The following SMPDL3B variants were observed in gnomAD, a reference collection of about 807,000 sequenced individuals.
SMPDL3B encodes the protein sphingomyelin phosphodiesterase acid like 3B, also known as acid sphingomyelinase-like phosphodiesterase 3b.
A neutral mutation model predicts 37.9 loss-of-function variants in SMPDL3B; 31 were observed. The ratio of observed to expected loss-of-function variants is 0.82; its 90% CI spans 0.61 to 1.10. SMPDL3B has a LOEUF of 1.10. SMPDL3B is among the 50% of genes least tolerant of loss of function. The pLI is 0.00. For synonymous variants in SMPDL3B, 235 were observed against 242.6 expected (o/e 0.97, Z 0.29); for missense variants, 525 against 597.8 (o/e 0.88, Z 1.27).
intron 1 of SMPDL3B, chr1:27,941,624 A>C (rs1267504880): frequency 6.5e-6 from 1 of 152,716 alleles, no homozygotes; most frequent in Non-Finnish European, 1.5e-5. Flanking sequence ...GCTGGGGAAG[A>C]AATAGCGACC....
chr1:27,951,039 A>G (rs751485111), intron 3 of SMPDL3B, among the ~76,000 whole-genome samples: 49 of 152,024 alleles, frequency 3.2e-4, no homozygotes, highest in Non-Finnish European at 6.6e-4. Flanking sequence ...TAGGGATTAC[A>G]GGCATGAGCC....
At chr1:27,950,179 C>T (rs1337924627) in intron 3 of SMPDL3B, among the ~76,000 whole-genome samples, 1 of 152,302 alleles carries the variant, frequency 6.6e-6, no homozygotes, top group East Asian at 1.9e-4. Context: ...TCAATCTAGG[C>T]AAAGAGATGC....
chr1:27,952,703 C>G (rs1467928738), intron 3 of SMPDL3B, among the ~76,000 whole-genome samples: 1 of 152,198 alleles, frequency 6.6e-6, no homozygotes, highest in Non-Finnish European at 1.5e-5. Context: ...ACCTGTCAAC[C>G]CTATTGAACT....
intron 7 of SMPDL3B, 67 bp downstream of exon 7, chr1:27,956,149 C>A: frequency 3.7e-6 from 6 of 1,613,712 alleles, no homozygotes; most frequent in Non-Finnish European, 5.1e-6. Context: ...CACCTTCCCT[C>A]ACTCTCAGCT....
intron 4 of SMPDL3B, among the ~76,000 whole-genome samples, chr1:27,953,928 C>T (rs1000516531): frequency 3.9e-5 from 6 of 152,188 alleles, no homozygotes; most frequent in South Asian, 2.1e-4. Context: ...TCCCTTTCCT[C>T]GGTCTCCTGC....
At chr1:27,941,999 GCA>G (rs960150356) in intron 1 of SMPDL3B, among the ~76,000 whole-genome samples, 1 of 151,896 alleles carries the variant, frequency 6.6e-6, no homozygotes, top group Non-Finnish European at 1.5e-5. Flanking sequence ...ACACACACAT[GCA>G]CACACACAGA....
At position 27,945,187 on chromosome 1, in the gene SMPDL3B, TGA is replaced by T. The variant is rs764686418; in HGVS notation, c.62-36_62-35del. ...CCCCTGGACTTCCTTGCTTCCAGGC[TGA>T]GAGAGAGACCAGCTTTGAAGGAGGA... On this transcript the variant is annotated intron_variant, in intron 1 of 7. Transcript: ENST00000373894. The surrounding 1 kb of genome is among the most constrained non-coding windows in gnomAD (Gnocchi z 4.0). The T allele has an allele frequency of 1.3e-6, 2 of 1,593,904 alleles. No homozygotes were observed.
chr1:27,956,194 G>A, intron 7 of SMPDL3B, 112 bp downstream of exon 7: 1 of 1,605,290 alleles, frequency 6.2e-7, no homozygotes, highest in Admixed American at 1.7e-5. Flanking sequence ...GCCTCAGGAA[G>A]GTTGAGCTCC....
At position 27,945,840 on chromosome 1, in the gene SMPDL3B, G is replaced by A; in HGVS notation, c.275+395G>A. Among the ~76,000 whole-genome samples the A allele has an allele frequency of 6.6e-6, 1 of 152,160 alleles. No homozygotes were observed. Among genetic ancestry groups the A allele is most frequent in the Non-Finnish European group, 1.5e-5 (1 of 68,034 alleles). ...AGGGAAGAAGTTATGAGGGCTGAAG[G>A]TGGCCCAGCCTGGGGTCCTAGTGTC... On this transcript the variant is annotated intron_variant, in intron 2 of 7. Transcript: ENST00000373894. The surrounding 1 kb of genome is among the most constrained non-coding windows in gnomAD (Gnocchi z 4.0).
chr1:27,946,946 G>T (rs1344999692), intron 2 of SMPDL3B, among the ~76,000 whole-genome samples: 1 of 152,160 alleles, frequency 6.6e-6, no homozygotes, highest in Non-Finnish European at 1.5e-5. Flanking sequence ...TCCCTTGAGG[G>T]GAGCTTCTGA....
In SMPDL3B at chr1:27,954,499, G is replaced by C. The variant is rs775649155; in HGVS notation, c.663G>C (p.Leu221=). ...AGTTCCAGTGGCTGGAAGATGTGCT[G>C]ACCGATGCATCCAAAGCTGGGGACA... The part of the protein sequence containing the change: ...GQQFQWLEDV[L]TDASKAGDMV... The change falls in exon 5 of 8, where the codon CTG becomes CTC. Residue 221 remains leucine, a synonymous_variant. Transcript: ENST00000373894. The C allele has an allele frequency of 8.1e-6, 13 of 1,613,958 alleles. No individual in the cohort carries two copies. Among genetic ancestry groups the C allele is most frequent in the Non-Finnish European group, 1.0e-5 (12 of 1,180,028 alleles).
rs1419037906 is a variant in SMPDL3B, at chr1:27,955,804, G to C, written c.811G>C (p.Ala271Pro). 2 of 1,614,032 alleles carry C rather than the reference G, an allele frequency of 1.2e-6. No homozygotes were observed. The highest frequency in any genetic ancestry group is 2.7e-5 in the African/African-American group (2 of 74,896). The change falls in exon 6 of 8, where the codon GCA becomes CCA. Residue 271 changes from alanine to proline, a missense_variant. Ala to Pro is a conservative substitution (Grantham distance 27). Coordinates refer to ENST00000373894, the MANE Select transcript of SMPDL3B (RefSeq NM_014474.4). ...KVVRKHHRVIAGQFFGHHHTD... is the reference protein window; with the variant it reads ...KVVRKHHRVIPGQFFGHHHTD... ...GGTCCGGAAGCATCATCGCGTCATAGCAGGGCAGTTCTTCGGGCACCACCA... is the reference window on the plus strand; with the variant it reads ...GGTCCGGAAGCATCATCGCGTCATACCAGGGCAGTTCTTCGGGCACCACCA...
Position 27,953,321 on chromosome 1 carries a change from C to A in SMPDL3B, c.480C>A (p.Pro160=), listed in dbSNP as rs1038474007. 4 of 1,613,996 alleles carry A rather than the reference C, an allele frequency of 2.5e-6. No homozygotes were observed. Among genetic ancestry groups the A allele is most frequent in the African/African-American group, 1.3e-5 (1 of 75,048 alleles). The change falls in exon 4 of 8, where the codon CCC becomes CCA. Residue 160 remains proline, a synonymous_variant. Transcript: ENST00000373894. ...IYNQIAELWK[P]WLSNESIALF... ...ATCAGATAGCAGAACTATGGAAACC[C>A]TGGCTTAGTAATGAGTCCATCGCTC... is the stretch of plus-strand genomic sequence containing the variant.
intron 1 of SMPDL3B, 74 bp downstream of exon 1, chr1:27,935,318 G>C: frequency 8.3e-7 from 1 of 1,198,072 alleles, no homozygotes; most frequent in Non-Finnish European, 1.2e-6. Context: ...GCTGCTCGCA[G>C]CCAGCTTGAA....
chr1:27,941,861 C>T (rs142441687), intron 1 of SMPDL3B, among the ~76,000 whole-genome samples: 39 of 152,274 alleles, frequency 2.6e-4, no homozygotes, highest in Non-Finnish European at 5.0e-4. Flanking sequence ...TGCACTCCCA[C>T]AATGAGGAGG....
At chr1:27,950,316 T>C (rs944978528) in intron 3 of SMPDL3B, among the ~76,000 whole-genome samples, 5 of 152,166 alleles carry the variant, frequency 3.3e-5, no homozygotes, top group African/African-American at 1.2e-4. Flanking sequence ...ATTCCCAATG[T>C]ATAGAAAAGG....
In SMPDL3B at chr1:27,935,042, G is replaced by A. The variant is rs2090294004; in HGVS notation, c.-142G>A. ...GGAGGAAGAGCCAGAGGATCCAGAC[G>A]CCTTGGAGGACTTGGAACACCTGTA... On this transcript the variant is annotated 5_prime_UTR_variant, in exon 1 of 8. Coordinates refer to ENST00000373894, the MANE Select transcript of SMPDL3B (RefSeq NM_014474.4). The A allele has an allele frequency of 4.8e-6, 3 of 627,354 alleles. 1 individual carries two copies. Among genetic ancestry groups the A allele is most frequent in the Middle Eastern group, 6.1e-4 (2 of 3,258 alleles). 38.9% of individuals were successfully genotyped at this position (627,354 alleles called of 1,614,324 possible).
chr1:27,937,467 C>T (rs1483887710), intron 1 of SMPDL3B, among the ~76,000 whole-genome samples: 3 of 152,220 alleles, frequency 2.0e-5, no homozygotes, highest in Admixed American at 1.3e-4. Context: ...AACAAATGAA[C>T]TCCATGGGTT....
At chr1:27,936,969 C>G (rs957534695) in intron 1 of SMPDL3B, among the ~76,000 whole-genome samples, 4 of 151,984 alleles carry the variant, frequency 2.6e-5, no homozygotes, top group Non-Finnish European at 4.4e-5. Flanking sequence ...TGCAGTGAGC[C>G]GAGATTGCAC....
Sources: gnomAD v4.1 joint callset for allele counts (sites outside exome capture counted in the v4.1 genomes callset) on GRCh38, gnomAD v4.1.1 for gene constraint, Gnocchi (gnomAD v3.1) non-coding constraint, MANE v1.5 for transcripts, NCBI Gene and HGNC (gene_info 2026-07-23, HGNC 2026-07-21) for gene names.